Variants in SHANK2 observed in about 807,000 individuals in gnomAD.
SHANK2 encodes SH3 and multiple ankyrin repeat domains protein 2.
Under a neutral mutation model 133.7 loss-of-function variants are expected in SHANK2, and 43 were observed. That is an observed-to-expected ratio of 0.32 (90% CI 0.25 to 0.41). SHANK2 has a LOEUF of 0.41. Among genes scored for constraint, SHANK2 ranks in the 10% least tolerant of loss-of-function variants. SHANK2 has a pLI of 1.00. For synonymous variants in SHANK2, 1,017 were observed against 952.8 expected, an observed-to-expected ratio of 1.07 and a Z score of -1.24; for missense variants, 1,994 against 2,235.8, an observed-to-expected ratio of 0.89 and a Z score of 2.18.
intron 14 of SHANK2, among the ~76,000 whole-genome samples, chr11:70,737,584 C>A (rs1555033843): frequency 6.6e-6 from 1 of 152,218 alleles, no homozygotes; most frequent in Admixed American, 6.5e-5. Flanking sequence ...TGATACACCC[C>A]ATTTCTCTCC....
At chr11:70,548,665 C>T (rs868971732) in intron 17 of SHANK2, among the ~76,000 whole-genome samples, 4 of 152,212 alleles carry the variant, frequency 2.6e-5, no homozygotes, top group African/African-American at 4.8e-5. Context: ...GTTGGGATCA[C>T]GGGTTATTGT....
intron 14 of SHANK2, among the ~76,000 whole-genome samples, chr11:70,782,767 C>T (rs1388714247): frequency 6.6e-6 from 1 of 152,230 alleles, no homozygotes; most frequent in Non-Finnish European, 1.5e-5. Context: ...AATACATGCA[C>T]AGAAAGGTGC....
chr11:70,621,643 G>A (rs916856861), intron 17 of SHANK2, among the ~76,000 whole-genome samples: 6 of 152,224 alleles, frequency 3.9e-5, no homozygotes, highest in African/African-American at 1.4e-4. Flanking sequence ...TCATCAGATG[G>A]GAGGTCTGAT....
chr11:70,499,974 C>T (rs868932578), intron 21 of SHANK2, among the ~76,000 whole-genome samples: 1 of 152,186 alleles, frequency 6.6e-6, no homozygotes, highest in Non-Finnish European at 1.5e-5. Context: ...GCGAGCAATA[C>T]CCCCCGATGT....
At chr11:70,616,235 G>C (rs1012643966) in intron 17 of SHANK2, among the ~76,000 whole-genome samples, 10 of 152,170 alleles carry the variant, frequency 6.6e-5, no homozygotes, top group Non-Finnish European at 1.3e-4. Flanking sequence ...TCCTTGCTCC[G>C]ATAAGTAGCT....
At position 70,485,994 on chromosome 11, in the gene SHANK2, A is replaced by G; in HGVS notation, c.4299T>C (p.Ala1433=). The change falls in exon 25 of 26, where the codon GCT becomes GCC. Residue 1433 remains alanine (A), a synonymous_variant. Transcript: ENST00000601538. The surrounding 1 kb of genome is among the most constrained non-coding windows in gnomAD (Gnocchi z 5.8). ...TCTTCTGCTTCACTAAGTCTGAGAG[A>G]GCCGGGACAGAAGCTGCCCGGTCAT... ...IPDDRAASVP[A]LSDLVKQKKS... is the part of the protein sequence containing the mutation. 6.2e-7 allele frequency: 1 copy of G among 1,614,036 alleles called. No homozygotes were observed. The highest frequency in any genetic ancestry group is 8.5e-7 in the Non-Finnish European group (1 of 1,180,022).
chr11:70,753,412 A>G (rs1425418805), intron 14 of SHANK2, among the ~76,000 whole-genome samples: 1 of 152,224 alleles, frequency 6.6e-6, no homozygotes, highest in Admixed American at 6.5e-5. Context: ...TCGCCAAGAT[A>G]GACCACAGCC....
At chr11:70,951,158 C>T (rs192996754) in intron 10 of SHANK2, 1 of 350,098 alleles carries the variant, frequency 2.9e-6, no homozygotes, top group African/African-American at 2.9e-5. Context: ...ACTGTGATGT[C>T]ATACATTCAT....
chr11:71,109,803 G>A, intron 6 of SHANK2, 138 bp downstream of exon 6: 1 of 674,486 alleles, frequency 1.5e-6, no homozygotes, highest in Non-Finnish European at 2.6e-6. Flanking sequence ...ACAGAGGAGA[G>A]TGAGAATGCA....
At chr11:71,146,823 C>T (rs1952657872) in intron 3 of SHANK2, among the ~76,000 whole-genome samples, 1 of 152,206 alleles carries the variant, frequency 6.6e-6, no homozygotes, top group Admixed American at 6.5e-5. Flanking sequence ...CTCCTCTCCA[C>T]CTCTGGGACT....
At chr11:71,067,463 G>A (rs1459774815) in intron 9 of SHANK2, among the ~76,000 whole-genome samples, 1 of 152,166 alleles carries the variant, frequency 6.6e-6, no homozygotes, top group African/African-American at 2.4e-5. Flanking sequence ...GATGAGGTGA[G>A]GGGTTGACAG....
At chr11:71,105,967 G>T (rs932015893) in intron 6 of SHANK2, among the ~76,000 whole-genome samples, 1 of 152,150 alleles carries the variant, frequency 6.6e-6, no homozygotes, top group East Asian at 1.9e-4. Flanking sequence ...ACTGGGTTAC[G>T]ACTCCAAGCG....
At chr11:70,638,919 C>T (rs1555005293) in intron 17 of SHANK2, among the ~76,000 whole-genome samples, 1 of 152,058 alleles carries the variant, frequency 6.6e-6, no homozygotes, top group Non-Finnish European at 1.5e-5. Flanking sequence ...AGCATTTGAA[C>T]ACGGGAGGTG....
intron 9 of SHANK2, among the ~76,000 whole-genome samples, chr11:71,065,940 G>A (rs1194848179): frequency 2.5e-5 from 3 of 121,428 alleles, no homozygotes; most frequent in African/African-American, 1.0e-4. Context: ...GGTGGGGGCG[G>A]GGTACAGAAG....
intron 10 of SHANK2, among the ~76,000 whole-genome samples, chr11:70,948,114 T>G (rs1392702953): frequency 1.3e-5 from 2 of 152,148 alleles, no homozygotes; most frequent in Non-Finnish European, 2.9e-5. Flanking sequence ...GGGCCCACTC[T>G]TTCCTTCCTC....
At chr11:70,949,238 C>T (rs1014444371) in intron 10 of SHANK2, among the ~76,000 whole-genome samples, 1 of 152,236 alleles carries the variant, frequency 6.6e-6, no homozygotes, top group Non-Finnish European at 1.5e-5. Flanking sequence ...TCTGCAAGAG[C>T]CTCAGTACCG....
intron 14 of SHANK2, among the ~76,000 whole-genome samples, chr11:70,715,864 G>A (rs573306032): frequency 6.6e-6 from 1 of 152,338 alleles, no homozygotes; most frequent in East Asian, 1.9e-4. Context: ...AGTCGCCAGT[G>A]GGGAGGAGGG....
At chr11:70,715,478 A>G (rs1945892975) in intron 14 of SHANK2, among the ~76,000 whole-genome samples, 1 of 152,160 alleles carries the variant, frequency 6.6e-6, no homozygotes, top group African/African-American at 2.4e-5. Context: ...ACACCGTAGG[A>G]GGGGAGGCTA....
intron 9 of SHANK2, among the ~76,000 whole-genome samples, chr11:71,064,592 G>GA (rs1195506492): frequency 9.2e-5 from 14 of 152,198 alleles, no homozygotes; most frequent in Middle Eastern, 3.4e-3. Flanking sequence ...TGGAAGGAAA[G>GA]AGGCTGGATG....
Sources: allele counts gnomAD v4.1 joint callset (sites outside exome capture counted in the v4.1 genomes callset), GRCh38; gene constraint gnomAD v4.1.1; non-coding constraint Gnocchi (gnomAD v3.1); transcripts MANE v1.5; gene names NCBI Gene and HGNC (gene_info 2026-07-23, HGNC 2026-07-21).